Variants in TENM2 observed in about 807,000 individuals in gnomAD.
The protein encoded by TENM2 is teneurin transmembrane protein 2, also known as teneurin-2.
A neutral mutation model predicts 245.2 loss-of-function variants in TENM2; 52 were observed. The observed-to-expected ratio is 0.21, with a 90% CI of 0.17 to 0.27. The LOEUF (loss-of-function observed/expected upper bound fraction) is 0.27, where lower values mean the gene tolerates loss of function less well. TENM2 is among the 10% of genes least tolerant of loss of function. The pLI, the probability that TENM2 is intolerant of heterozygous loss-of-function variation, is 1.00. For synonymous variants in TENM2, 1,363 were observed against 1,438.9 expected (o/e 0.95, Z 1.19); for missense variants, 3,046 against 3,666.8 (o/e 0.83, Z 4.37).
intron 12 of TENM2, among the ~76,000 whole-genome samples, chr5:168,158,622 G>T (rs1311546564): frequency 6.6e-6 from 1 of 151,180 alleles, no homozygotes; most frequent in Non-Finnish European, 1.5e-5. Flanking sequence ...CTACCCACAA[G>T]ATGCCAATAG....
At chr5:168,133,933 T>C (rs1754809874) in intron 12 of TENM2, among the ~76,000 whole-genome samples, 1 of 152,022 alleles carries the variant, frequency 6.6e-6, no homozygotes, top group African/African-American at 2.4e-5. Context: ...GGCAGGCAGA[T>C]CACTTGAGGT....
At chr5:168,162,935 G>A (rs1757882786) in intron 13 of TENM2, among the ~76,000 whole-genome samples, 178 bp downstream of exon 15, 1 of 152,166 alleles carries the variant, frequency 6.6e-6, no homozygotes, top group Non-Finnish European at 1.5e-5. Context: ...GGGATCTCTG[G>A]GAGACACCGG....
intron 8 of TENM2, among the ~76,000 whole-genome samples, chr5:168,095,075 A>C (rs1562150971): frequency 6.6e-6 from 1 of 151,962 alleles, no homozygotes; most frequent in Non-Finnish European, 1.5e-5. Flanking sequence ...ATTTGACATT[A>C]TGGTGAGTTG....
chr5:167,646,695 T>C, intron 2 of TENM2, among the ~76,000 whole-genome samples: 1 of 152,056 alleles, frequency 6.6e-6, no homozygotes, highest in East Asian at 1.9e-4. Context: ...ATAGGGAGAA[T>C]TCCATATGTC....
intron 2 of TENM2, among the ~76,000 whole-genome samples, chr5:167,547,981 TC>T (rs1772677127): frequency 6.6e-6 from 1 of 152,182 alleles, no homozygotes; most frequent in South Asian, 2.1e-4. Context: ...CAAGGAGTTT[TC>T]CCTTAAGTAA....
At chr5:168,187,060 C>T (rs921542086) in intron 13 of TENM2, 13 of 152,204 alleles carry the variant, frequency 8.5e-5, no homozygotes, top group South Asian at 4.1e-4. Flanking sequence ...TACTTAATAA[C>T]GGGTAGAACC....
intron 2 of TENM2, among the ~76,000 whole-genome samples, chr5:167,606,475 C>T (rs918160679): frequency 6.6e-6 from 1 of 152,128 alleles, no homozygotes; most frequent in African/African-American, 2.4e-5. Context: ...ATCTCATCAT[C>T]AGGACCCCAC....
intron 2 of TENM2, among the ~76,000 whole-genome samples, chr5:167,722,845 C>A (rs1332875831): frequency 6.6e-6 from 1 of 152,154 alleles, no homozygotes; most frequent in Non-Finnish European, 1.5e-5. Context: ...TATGTTTCTA[C>A]TTCAATTTTA....
intron 25 of TENM2, among the ~76,000 whole-genome samples, chr5:168,228,788 C>A (rs552448982): frequency 7.1e-6 from 1 of 139,886 alleles, no homozygotes; most frequent in East Asian, 2.2e-4. Context: ...AGCCAACCCT[C>A]GTTTTCCCAG....
At chr5:167,089,354 C>CT in the TENM2 span, among the ~76,000 whole-genome samples, 1,026 of 152,154 alleles carry the variant, frequency 6.7e-3, 9 homozygotes, top group African/African-American at 0.023. Flanking sequence ...TTTTAACATG[C>CT]TGTACTAATA....
At chr5:167,602,378 G>A (rs1477438515) in intron 2 of TENM2, among the ~76,000 whole-genome samples, 1 of 151,860 alleles carries the variant, frequency 6.6e-6, no homozygotes, top group Non-Finnish European at 1.5e-5. Context: ...ACGATGACGT[G>A]TGTGTGTCAC....
At chr5:168,083,386 C>T (rs2569042) in intron 7 of TENM2, among the ~76,000 whole-genome samples, 1 of 152,236 alleles carries the variant, frequency 6.6e-6, no homozygotes, top group African/African-American at 2.4e-5. Flanking sequence ...AATTCCCTGA[C>T]CCCTTGCACT....
intron 2 of TENM2, among the ~76,000 whole-genome samples, chr5:167,571,217 A>G (rs12188278): frequency 0.62 from 94,782 of 152,010 alleles, 30,484 homozygotes; most frequent in Middle Eastern, 0.74. Context: ...GACATTGTTT[A>G]TTCTTAATGA....
At chr5:167,203,092 G>T in the TENM2 span, among the ~76,000 whole-genome samples, 18 of 152,242 alleles carry the variant, frequency 1.2e-4, no homozygotes, top group South Asian at 1.9e-3. Context: ...ACATATTCTT[G>T]CTACCCTACA....
intron 3 of TENM2, among the ~76,000 whole-genome samples, chr5:167,888,672 A>G (rs531407175): frequency 6.6e-6 from 1 of 152,238 alleles, no homozygotes; most frequent in Non-Finnish European, 1.5e-5. Flanking sequence ...AGTTAAACAT[A>G]GAAAAACTGT....
the TENM2 span, among the ~76,000 whole-genome samples, chr5:167,053,034 C>T: frequency 6.6e-6 from 1 of 152,094 alleles, no homozygotes; most frequent in Non-Finnish European, 1.5e-5. Context: ...AGCTAAACTC[C>T]AATCCTCAGA....
At chr5:167,962,398 C>T in intron 4 of TENM2, among the ~76,000 whole-genome samples, 1 of 152,080 alleles carries the variant, frequency 6.6e-6, no homozygotes, top group East Asian at 1.9e-4. Flanking sequence ...AAATCCAGCA[C>T]AAGGTGCAAA....
At chr5:167,918,116 T>C (rs1777085336) in intron 3 of TENM2, among the ~76,000 whole-genome samples, 2 of 152,218 alleles carry the variant, frequency 1.3e-5, no homozygotes, top group South Asian at 4.1e-4. Flanking sequence ...CACTGCCTGC[T>C]TTTCAAAACA....
At chr5:167,048,259 G>C in the TENM2 span, among the ~76,000 whole-genome samples, 4 of 152,118 alleles carry the variant, frequency 2.6e-5, no homozygotes, top group Admixed American at 6.5e-5. Context: ...ATGAGCTAAA[G>C]TAATTAAAAA....
Sources: gnomAD v4.1 joint callset for allele counts (sites outside exome capture counted in the v4.1 genomes callset) on GRCh38, gnomAD v4.1.1 for gene constraint, MANE v1.5 for transcripts, NCBI Gene and HGNC (gene_info 2026-07-23, HGNC 2026-07-21) for gene names.